CEP128: variants seen among roughly 807,000 people sequenced by gnomAD.
The protein encoded by CEP128 is centrosomal protein 128kDa.
In CEP128, 132 loss-of-function variants were observed where a neutral mutation model predicts 156.7. That is an observed-to-expected ratio of 0.84 (90% confidence interval 0.73 to 0.97). The LOEUF (loss-of-function observed/expected upper bound fraction) is 0.97, where lower values mean the gene tolerates loss of function less well. CEP128 is among the 50% of genes least tolerant of loss of function. CEP128 has a pLI of 0.00. For synonymous variants in CEP128, 469 were observed against 448.9 expected (o/e 1.04, Z -0.57); for missense variants, 1,252 against 1,281.9 (o/e 0.98, Z 0.36).
chr14:80,935,071 T>A (rs111405328), intron 2 of CEP128, among the ~76,000 whole-genome samples: 1 of 152,310 alleles, frequency 6.6e-6, no homozygotes, highest in African/African-American at 2.4e-5. Context: ...GTAACTTAAG[T>A]GGCAGAGCCA....
intron 7 of CEP128, among the ~76,000 whole-genome samples, chr14:80,897,492 A>C (rs1273111514): frequency 6.6e-6 from 1 of 152,170 alleles, no homozygotes; most frequent in Non-Finnish European, 1.5e-5. Context: ...AACGTCTCAC[A>C]GGCATCTTAA....
At chr14:80,508,019 ATCCTCCTGCC>A (rs1888062383) in intron 23 of CEP128, among the ~76,000 whole-genome samples, 1 of 152,170 alleles carries the variant, frequency 6.6e-6, no homozygotes, top group South Asian at 2.1e-4. Flanking sequence ...GGTTCAAGCG[ATCCTCCTGCC>A]TCAGCCCCCG....
At chr14:80,802,525 CA>C (rs200863571) in intron 13 of CEP128, among the ~76,000 whole-genome samples, 2,996 of 143,732 alleles carry the variant, frequency 0.021, 39 homozygotes, top group Middle Eastern at 0.07. Flanking sequence ...CAACACACAC[CA>C]GGGGGGCCTG....
intron 19 of CEP128, among the ~76,000 whole-genome samples, chr14:80,615,103 T>G (rs1234497069): frequency 6.6e-6 from 1 of 152,208 alleles, no homozygotes; most frequent in Non-Finnish European, 1.5e-5. Context: ...ATGTTAATCA[T>G]TGCAAGAAAT....
chr14:80,683,038 G>A (rs949667245), intron 19 of CEP128, among the ~76,000 whole-genome samples: 2 of 151,902 alleles, frequency 1.3e-5, no homozygotes, highest in East Asian at 3.9e-4. Context: ...TAAGTACATA[G>A]CTCACAGACC....
chr14:80,780,032 G>C (rs1333653362), intron 15 of CEP128, among the ~76,000 whole-genome samples: 11 of 151,986 alleles, frequency 7.2e-5, no homozygotes, highest in Admixed American at 3.3e-4. Flanking sequence ...TGAGGTAATA[G>C]ACCAATATCC....
chr14:80,661,388 T>C (rs559491637), intron 19 of CEP128, among the ~76,000 whole-genome samples: 2 of 152,314 alleles, frequency 1.3e-5, no homozygotes, highest in East Asian at 3.9e-4. Context: ...ACTTTAAAGA[T>C]ACAGGAGGTC....
At chr14:80,781,283 C>A (rs1052893912) in intron 15 of CEP128, among the ~76,000 whole-genome samples, 244 of 151,902 alleles carry the variant, frequency 1.6e-3, no homozygotes, top group African/African-American at 5.7e-3. Flanking sequence ...ATTGTGAAAC[C>A]CCATCTCTAC....
chr14:80,841,686 A>G (rs538546059), intron 9 of CEP128, among the ~76,000 whole-genome samples: 1 of 152,078 alleles, frequency 6.6e-6, no homozygotes, highest in South Asian at 2.1e-4. Flanking sequence ...ATTGGAGCAC[A>G]AGGAGTTGGA....
At chr14:80,843,044 A>T (rs201443660) in intron 9 of CEP128, among the ~76,000 whole-genome samples, 14 of 120,056 alleles carry the variant, frequency 1.2e-4, no homozygotes, top group East Asian at 6.1e-4. Flanking sequence ...TATATATAAT[A>T]AAAAAAAAGG....
intron 19 of CEP128, among the ~76,000 whole-genome samples, chr14:80,590,447 AT>A (rs912298256): frequency 6.6e-6 from 1 of 152,104 alleles, no homozygotes; most frequent in African/African-American, 2.4e-5. Flanking sequence ...AAAAAGTCAC[AT>A]TTTTTAAAAA....
At chr14:80,925,269 G>A (rs566789663) in intron 2 of CEP128, among the ~76,000 whole-genome samples, 25 of 151,662 alleles carry the variant, frequency 1.6e-4, no homozygotes, top group Non-Finnish European at 2.7e-4. Context: ...GAGAAAAGAA[G>A]TAGAACCAAA....
intron 14 of CEP128, among the ~76,000 whole-genome samples, chr14:80,790,616 C>T (rs1901654203): frequency 6.6e-6 from 1 of 151,834 alleles, no homozygotes; most frequent in African/African-American, 2.4e-5. Context: ...TTTGATATTA[C>T]ACATCCTTCA....
At chr14:80,649,688 C>T (rs1566833341) in intron 19 of CEP128, among the ~76,000 whole-genome samples, 1 of 152,054 alleles carries the variant, frequency 6.6e-6, no homozygotes. Context: ...ATTTTATTAA[C>T]AGTTGGAAAC....
chr14:80,809,589 A>G (rs1040226512), intron 13 of CEP128, among the ~76,000 whole-genome samples: 5 of 152,322 alleles, frequency 3.3e-5, no homozygotes, highest in Non-Finnish European at 5.9e-5. Context: ...AGTGAATCAC[A>G]AAGAGGAAAT....
chr14:80,846,483 C>T (rs1457664843), intron 9 of CEP128, among the ~76,000 whole-genome samples: 3 of 152,036 alleles, frequency 2.0e-5, no homozygotes, highest in Admixed American at 1.3e-4. Context: ...CACTAGCTCA[C>T]GGTTAGTAGG....
intron 19 of CEP128, among the ~76,000 whole-genome samples, chr14:80,724,882 C>G (rs1897953542): frequency 6.6e-6 from 1 of 150,594 alleles, no homozygotes; most frequent in Admixed American, 6.6e-5. Context: ...TTGTTTGCTC[C>G]TTTGTTCATT....
intron 2 of CEP128, among the ~76,000 whole-genome samples, chr14:80,930,144 G>A (rs147315638): frequency 2.2e-4 from 34 of 152,320 alleles, no homozygotes; most frequent in Non-Finnish European, 4.6e-4. Flanking sequence ...TGGAGCTGAG[G>A]TGGTGATTCT....
At chr14:80,944,301 A>G (rs1886274385), upstream of CEP128, among the ~76,000 whole-genome samples, 1 of 152,036 alleles carries the variant, frequency 6.6e-6, no homozygotes. Flanking sequence ...TAATCCCCAC[A>G]TGTTGGGGGA....
Sources: allele counts gnomAD v4.1 joint callset (sites outside exome capture counted in the v4.1 genomes callset), GRCh38; gene constraint gnomAD v4.1.1; transcripts MANE v1.5; gene names NCBI Gene and HGNC (gene_info 2026-07-23, HGNC 2026-07-21).